CARHSP1: variants seen among roughly 807,000 people sequenced by gnomAD.
The protein encoded by CARHSP1 is calcium-regulated heat-stable protein 1.
Under a neutral mutation model 12.5 loss-of-function variants are expected in CARHSP1, and 14 were observed. The ratio of observed to expected loss-of-function variants is 1.12; its 90% CI spans 0.74 to 1.75. CARHSP1 has a LOEUF of 1.75. Among genes scored for constraint, CARHSP1 ranks in the 40% most tolerant of loss-of-function variants. The pLI is 0.00. For missense variants in CARHSP1, 343 were observed against 201.6 expected (o/e 1.70, Z -4.25); for synonymous variants, 161 against 82.0 (o/e 1.96, Z -5.20).
intron 3 of CARHSP1, chr16:8,857,732 T>C (rs1596528784): frequency 6.7e-6 from 1 of 148,474 alleles, no homozygotes; most frequent in African/African-American, 2.5e-5. Flanking sequence ...CGGGATTACA[T>C]GCACCTGTCA....
At chr16:8,855,795 GTGTCTT>G (rs1167430138) in intron 3 of CARHSP1, among the ~76,000 whole-genome samples, 5 of 152,138 alleles carry the variant, frequency 3.3e-5, no homozygotes, top group Middle Eastern at 3.2e-3. Flanking sequence ...AAACCGCACC[GTGTCTT>G]TGTTCTCAAA....
intron 3 of CARHSP1, among the ~76,000 whole-genome samples, chr16:8,856,473 G>A (rs1490320957): frequency 2.6e-5 from 4 of 151,854 alleles, no homozygotes; most frequent in Non-Finnish European, 5.9e-5. Flanking sequence ...ATATTTCTTT[G>A]CCCCAACCTC....
intron 1 of CARHSP1, chr16:8,866,318 G>C (rs760871478): frequency 2.0e-6 from 1 of 496,864 alleles, no homozygotes; most frequent in Non-Finnish European, 2.6e-6. Context: ...GGCAGTAGCC[G>C]GGCTACACTG....
rs561005067 is a variant in CARHSP1, at chr16:8,859,439, T to G, written c.-7-104A>C. 3.4e-4 allele frequency: 352 copies of G among 1,037,290 alleles called. 1 individual carries two copies. In the African/African-American group the frequency reaches 4.9e-3, roughly 14 times the overall value. 64.3% of individuals were successfully genotyped at this position (1,037,290 alleles called of 1,614,324 possible). ...CAGTCCAGTATCTGAGGCTCATTCC[T>G]CTCGGGCACCTCAGCACCATTGTCA... is the stretch of plus-strand genomic sequence containing the variant. On this transcript the variant is annotated intron_variant, in intron 1 of 3. Transcript: ENST00000311052.
At chr16:8,861,522 G>A (rs530274609) in intron 1 of CARHSP1, 7 of 1,046,526 alleles carry the variant, frequency 6.7e-6, no homozygotes, top group South Asian at 1.4e-5. Flanking sequence ...AACCAGGCCC[G>A]ACTGCTCAGA....
chr16:8,868,860 G>T, intron 1 of CARHSP1, 106 bp downstream of exon 1: 1 of 152,162 alleles, frequency 6.6e-6, no homozygotes, highest in East Asian at 2.0e-4. Context: ...AGACCCTGCA[G>T]GATGGGGGAC....
chr16:8,859,422 T>C, intron 1 of CARHSP1, 87 bp from the exon 2 acceptor site: 5 of 1,197,820 alleles, frequency 4.2e-6, no homozygotes, highest in South Asian at 4.1e-5. Flanking sequence ...GACAGTCCAG[T>C]ATCTGAGGCT....
At chr16:8,864,567 T>G (rs2061424192) in intron 1 of CARHSP1, among the ~76,000 whole-genome samples, 1 of 152,168 alleles carries the variant, frequency 6.6e-6, no homozygotes, top group South Asian at 2.1e-4. Flanking sequence ...ACAAAGACCC[T>G]GGTGAAATAC....
intron 2 of CARHSP1, chr16:8,858,742 C>T (rs926837275): frequency 2.0e-5 from 10 of 490,684 alleles, no homozygotes; most frequent in East Asian, 3.3e-5. Context: ...CACTGAACAT[C>T]CCTCCAGAAA....
At chr16:8,867,050 C>G (rs1322457792) in intron 1 of CARHSP1, among the ~76,000 whole-genome samples, 2 of 152,108 alleles carry the variant, frequency 1.3e-5, no homozygotes, top group Non-Finnish European at 2.9e-5. Flanking sequence ...CTCGACCGGA[C>G]GGGCGACCCC....
In CARHSP1 at chr16:8,855,004, C is replaced by G. The variant is rs1161992483; in HGVS notation, c.*160G>C. ...TGATGGCCGGGAACACCCCACACCC[C>G]ACACCTGCCCCCCATACCCCTTCCT... On this transcript the variant is annotated 3_prime_UTR_variant, in exon 4 of 4. Coordinates refer to ENST00000311052, the MANE Select transcript of CARHSP1 (RefSeq NM_014316.4). 3.8e-6 allele frequency: 2 copies of G among 532,010 alleles called. No individual in the cohort carries two copies. Among genetic ancestry groups the G allele is most frequent in the East Asian group, 7.0e-5 (2 of 28,634 alleles). 33.0% of individuals were successfully genotyped at this position (532,010 alleles called of 1,614,324 possible). A position where few individuals can be genotyped will look rare whatever the true frequency, so the allele number is the denominator to read the frequency against.
intron 1 of CARHSP1, among the ~76,000 whole-genome samples, chr16:8,864,904 C>T (rs1431922040): frequency 2.0e-5 from 3 of 152,338 alleles, no homozygotes; most frequent in South Asian, 4.1e-4. Context: ...CCAGCCCCTG[C>T]TCAGCCTGCC....
intron 1 of CARHSP1, chr16:8,861,676 T>TTC (rs2061360173): frequency 7.8e-7 from 1 of 1,288,962 alleles, no homozygotes; most frequent in African/African-American, 1.5e-5. Flanking sequence ...CTCCTGTCCC[T>TTC]TCTCTCAGCT....
intron 1 of CARHSP1, among the ~76,000 whole-genome samples, chr16:8,865,086 G>A (rs1289303054): frequency 6.6e-6 from 1 of 152,208 alleles, no homozygotes; most frequent in Non-Finnish European, 1.5e-5. Context: ...TCTAGTAAGA[G>A]GGAGCTCATT....
At position 8,855,315 on chromosome 16, in the gene CARHSP1, TC is replaced by T; in HGVS notation, c.292del (p.Glu98SerfsTer129). 1 of 1,601,932 alleles carries T rather than the reference TC, an allele frequency of 6.2e-7. No homozygotes were observed. Among genetic ancestry groups the T allele is most frequent in the Non-Finnish European group, 8.5e-7 (1 of 1,172,796 alleles). On this transcript the variant is annotated frameshift_variant, in exon 4 of 4. Transcript: ENST00000311052. LOFTEE classifies it high-confidence loss of function. ...CTCGTCGCCTTCCACTGGGACATAC[TC>T]CCCTTCCACACTACGGGGGCATAAA... ...IFLHISDVEG[E>X]YVPVEGDEVT...
chr16:8,857,724 G>C (rs1334475983), intron 3 of CARHSP1: 4 of 150,004 alleles, frequency 2.7e-5, no homozygotes, highest in African/African-American at 9.9e-5. Flanking sequence ...CGAGGAGCCG[G>C]GATTACATGC....
In CARHSP1 at chr16:8,858,339, C is replaced by G. The variant is rs148349349; in HGVS notation, c.281+11G>C. ...CCCCAGCCAGGCCACCCAGACCTGCCGCTGACTCACTCAGAGATGTGCAGG... is the reference window on the plus strand; with the variant it reads ...CCCCAGCCAGGCCACCCAGACCTGCGGCTGACTCACTCAGAGATGTGCAGG... On this transcript the variant is annotated intron_variant, in intron 3 of 3. Coordinates refer to ENST00000311052, the MANE Select transcript of CARHSP1 (RefSeq NM_014316.4). 3.7e-6 allele frequency: 6 copies of G among 1,612,558 alleles called. No homozygotes were observed. Among genetic ancestry groups the G allele is most frequent in the South Asian group, 1.1e-5 (1 of 91,006 alleles).
Position 8,863,938 on chromosome 16 carries a change from G to A in CARHSP1, c.-7-4603C>T, listed in dbSNP as rs553255710. Among the ~76,000 whole-genome samples, 377 of 152,294 alleles carry A rather than the reference G, an allele frequency of 2.5e-3. 2 individuals are homozygous for A. The highest frequency in any genetic ancestry group is 4.0e-3 in the Non-Finnish European group (274 of 68,018). ...CTGCTCTCCCAGCAATACCAGGCAT[G>A]GCCTTGGAGTGTCCCCAGCAGAAGA... is the stretch of plus-strand genomic sequence containing the variant. On this transcript the variant is annotated intron_variant, in intron 1 of 3. Coordinates refer to ENST00000311052, the MANE Select transcript of CARHSP1 (RefSeq NM_014316.4).
intron 1 of CARHSP1, chr16:8,860,022 A>C (rs769600632): frequency 2.4e-6 from 1 of 413,682 alleles, no homozygotes; most frequent in Non-Finnish European, 3.3e-6. Flanking sequence ...CCAACCACCT[A>C]GATCCAAACT....
Sources: gnomAD v4.1 joint callset for allele counts (sites outside exome capture counted in the v4.1 genomes callset) on GRCh38, gnomAD v4.1.1 for gene constraint, MANE v1.5 for transcripts, NCBI Gene and HGNC (gene_info 2026-07-23, HGNC 2026-07-21) for gene names.